SCD5: variants seen among roughly 807,000 people sequenced by gnomAD.
SCD5 encodes stearoyl-CoA desaturase 5, also known as acyl-CoA-desaturase 4.
A neutral mutation model predicts 30.4 loss-of-function variants in SCD5; 20 were observed. That is an observed-to-expected ratio of 0.66 (90% confidence interval 0.46 to 0.96). The LOEUF is 0.96. SCD5 is among the 40% of genes least tolerant of loss of function. SCD5 has a pLI of 0.00. For missense variants in SCD5, 381 were observed against 443.3 expected (o/e 0.86, Z 1.26); for synonymous variants, 173 against 176.4 (o/e 0.98, Z 0.16).
chr4:82,769,829 T>C (rs1408131982), intron 1 of SCD5, among the ~76,000 whole-genome samples: 1 of 152,162 alleles, frequency 6.6e-6, no homozygotes, highest in Non-Finnish European at 1.5e-5. Context: ...TGTAAATAGA[T>C]GGTTAATCTA....
chr4:82,725,808 C>T (rs1720456790), intron 1 of SCD5, among the ~76,000 whole-genome samples: 1 of 151,770 alleles, frequency 6.6e-6, no homozygotes, highest in Non-Finnish European at 1.5e-5. Context: ...TGCAGTGAGC[C>T]GAGACCATGC....
At chr4:82,703,440 C>T (rs1204206951) in intron 2 of SCD5, among the ~76,000 whole-genome samples, 1 of 152,096 alleles carries the variant, frequency 6.6e-6, no homozygotes, top group African/African-American at 2.4e-5. Context: ...TTTTATCTTC[C>T]TAGCAACTCT....
chr4:82,685,651 T>C (rs1243083420), intron 2 of SCD5, among the ~76,000 whole-genome samples: 1 of 19,110 alleles, frequency 5.2e-5, no homozygotes, highest in African/African-American at 2.5e-4. Context: ...AGGCAGACAT[T>C]GCAGTGAGCG....
At chr4:82,787,346 T>C (rs1244821271) in intron 1 of SCD5, among the ~76,000 whole-genome samples, 1 of 150,690 alleles carries the variant, frequency 6.6e-6, no homozygotes, top group Non-Finnish European at 1.5e-5. Context: ...CCAGGAACCC[T>C]CCCACAAGGG....
intron 1 of SCD5, among the ~76,000 whole-genome samples, chr4:82,748,778 A>C (rs76798841): frequency 0.021 from 3,236 of 152,324 alleles, 112 homozygotes; most frequent in African/African-American, 0.073. Context: ...AGTAGACTGC[A>C]GAACTGGTCC....
intron 1 of SCD5, among the ~76,000 whole-genome samples, chr4:82,747,674 G>C (rs1721023784): frequency 6.6e-6 from 1 of 152,192 alleles, no homozygotes; most frequent in African/African-American, 2.4e-5. Context: ...CCCTTGCAAG[G>C]CTTCCTATAA....
chr4:82,736,658 A>G (rs2148837473), intron 1 of SCD5, among the ~76,000 whole-genome samples: 1 of 151,934 alleles, frequency 6.6e-6, no homozygotes, highest in African/African-American at 2.4e-5. Flanking sequence ...ATTTTACAAC[A>G]TACTTTTGGG....
At chr4:82,649,047 A>G (rs1335207160) in intron 3 of SCD5, among the ~76,000 whole-genome samples, 2 of 152,092 alleles carry the variant, frequency 1.3e-5, no homozygotes, top group African/African-American at 4.8e-5. Context: ...AGTTAAATGA[A>G]ATTACTAGAT....
chr4:82,679,733 G>A (rs1310538972), intron 3 of SCD5, among the ~76,000 whole-genome samples: 3 of 152,118 alleles, frequency 2.0e-5, no homozygotes, highest in South Asian at 2.1e-4. Flanking sequence ...TCCCCTCAGC[G>A]TAAAAGGAGA....
chr4:82,782,055 A>G (rs1428598932), intron 1 of SCD5, among the ~76,000 whole-genome samples: 2 of 151,330 alleles, frequency 1.3e-5, no homozygotes, highest in African/African-American at 4.9e-5. Flanking sequence ...CCCATTTGTC[A>G]GTGGCTCAGA....
chr4:82,768,055 C>T (rs1051245452), intron 1 of SCD5, among the ~76,000 whole-genome samples: 2 of 152,168 alleles, frequency 1.3e-5, no homozygotes, highest in African/African-American at 4.8e-5. Context: ...ATTTAGCTAA[C>T]TTAAATTAGC....
chr4:82,758,726 C>T (rs776879658), intron 1 of SCD5, among the ~76,000 whole-genome samples: 11 of 151,898 alleles, frequency 7.2e-5, no homozygotes, highest in Non-Finnish European at 1.2e-4. Context: ...GCCGGGAGGG[C>T]GGGCCTTCCT....
chr4:82,662,856 T>TCA (rs1560527297), intron 3 of SCD5, among the ~76,000 whole-genome samples: 11 of 69,604 alleles, frequency 1.6e-4, no homozygotes, highest in South Asian at 4.7e-4. Flanking sequence ...AAACTCCGTC[T>TCA]CAAAAAAAAA....
intron 1 of SCD5, among the ~76,000 whole-genome samples, chr4:82,728,484 A>G (rs1720553746): frequency 6.6e-6 from 1 of 152,196 alleles, no homozygotes; most frequent in Non-Finnish European, 1.5e-5. Flanking sequence ...CAGAGGTCAC[A>G]AGATTGCTGA....
At chr4:82,739,990 A>C (rs1720839622) in intron 1 of SCD5, among the ~76,000 whole-genome samples, 1 of 152,116 alleles carries the variant, frequency 6.6e-6, no homozygotes, top group African/African-American at 2.4e-5. Context: ...GCTCAACACC[A>C]GCCCAGCCAC....
intron 1 of SCD5, among the ~76,000 whole-genome samples, chr4:82,724,187 T>C (rs955508049): frequency 6.6e-6 from 1 of 152,228 alleles, no homozygotes; most frequent in African/African-American, 2.4e-5. Context: ...AATAAAAGTC[T>C]GGGGAAAACA....
intron 3 of SCD5, among the ~76,000 whole-genome samples, chr4:82,670,030 A>T (rs1728274450): frequency 6.6e-6 from 1 of 151,782 alleles, no homozygotes; most frequent in South Asian, 2.1e-4. Context: ...ACCCCCACAC[A>T]CCTCCCACCA....
At chr4:82,706,226 G>A (rs1719965984) in intron 1 of SCD5, among the ~76,000 whole-genome samples, 1 of 152,056 alleles carries the variant, frequency 6.6e-6, no homozygotes, top group Non-Finnish European at 1.5e-5. Context: ...AAGTAGTCAG[G>A]GAACAAGTAA....
chr4:82,743,291 C>G, intron 1 of SCD5, among the ~76,000 whole-genome samples: 1 of 152,094 alleles, frequency 6.6e-6, no homozygotes, highest in East Asian at 1.9e-4. Context: ...GGGAGGACTG[C>G]TTGAAGTCAG....
Sources: gnomAD v4.1 joint callset for allele counts (sites outside exome capture counted in the v4.1 genomes callset) on GRCh38, gnomAD v4.1.1 for gene constraint, MANE v1.5 for transcripts, NCBI Gene and HGNC (gene_info 2026-07-23, HGNC 2026-07-21) for gene names.